LRP5: variants seen among roughly 807,000 people sequenced by gnomAD.
LRP5 encodes low-density lipoprotein receptor-related protein 5.
LRP5 carries 62 observed loss-of-function variants against 154.1 expected under a neutral mutation model. The observed-to-expected ratio is 0.40, with a 90% CI of 0.33 to 0.50. LRP5 has a LOEUF of 0.50. Among genes scored for constraint, LRP5 ranks in the 20% least tolerant of loss-of-function variants. The pLI, the probability that LRP5 is intolerant of heterozygous loss-of-function variation, is 0.55. For synonymous variants in LRP5, 966 were observed against 1,011.5 expected, an observed-to-expected ratio of 0.96 and a Z score of 0.85; for missense variants, 1,915 against 2,336.7, an observed-to-expected ratio of 0.82 and a Z score of 3.72.
At chr11:68,411,708 G>A in intron 11 of LRP5, 88 bp downstream of exon 11, 1 of 1,370,486 alleles carries the variant, frequency 7.3e-7, no homozygotes. Context: ...ATACCCTGTG[G>A]CCTGCAAGTT....
rs371340489 is a variant in LRP5, at chr11:68,347,827, G to A, written c.92-20G>A. On this transcript the variant is annotated intron_variant, in intron 1 of 22. Coordinates refer to ENST00000294304, the MANE Select transcript of LRP5 (RefSeq NM_002335.4). ...TGCTGGCTTAGCCAGTGGCCCTCAC[G>A]GTTTGCTTCTGCCCCACAGCCTCGC... 1.1e-5 allele frequency: 18 copies of A among 1,612,394 alleles called. No homozygotes were observed. Among genetic ancestry groups the A allele is most frequent in the South Asian group, 3.3e-5 (3 of 91,050 alleles).
Position 68,426,163 on chromosome 11 carries a change from G to A in LRP5, c.3613G>A (p.Glu1205Lys), listed in dbSNP as rs2153174491. The change falls in exon 16 of 23, where the codon GAG becomes AAG. Residue 1205 changes from glutamate (E) to lysine (K), a missense_variant. Coordinates refer to ENST00000294304, the MANE Select transcript of LRP5 (RefSeq NM_002335.4). ...VAHLTGIHAV[E>K]EVSLEEFSAH... ...CCACCTCACTGGCATCCATGCAGTG[G>A]AGGAAGTCAGCCTGGAGGAGTTCTG... The A allele has an allele frequency of 1.2e-6, 2 of 1,612,242 alleles. No individual in the cohort carries two copies. Among genetic ancestry groups the A allele is most frequent in the African/African-American group, 1.3e-5 (1 of 75,064 alleles).
intron 2 of LRP5, among the ~76,000 whole-genome samples, chr11:68,348,946 CAA>C (rs1229661715): frequency 1.5e-3 from 175 of 115,440 alleles, no homozygotes; most frequent in Admixed American, 3.6e-3. Flanking sequence ...GATCCTGTCT[CAA>C]AAAAAAAAAA....
At chr11:68,325,962 C>T (rs1158805797) in intron 1 of LRP5, among the ~76,000 whole-genome samples, 1 of 152,204 alleles carries the variant, frequency 6.6e-6, no homozygotes, top group Non-Finnish European at 1.5e-5. Flanking sequence ...GTGACGACCC[C>T]CCGGGGACTC....
chr11:68,398,566 G>A (rs914506733), intron 7 of LRP5, among the ~76,000 whole-genome samples: 7 of 151,986 alleles, frequency 4.6e-5, no homozygotes, highest in African/African-American at 1.7e-4. Flanking sequence ...CGAGAGCTAC[G>A]GCCCCCGGGC....
At chr11:68,397,215 C>T (rs1004417635) in intron 7 of LRP5, among the ~76,000 whole-genome samples, 5 of 152,150 alleles carry the variant, frequency 3.3e-5, no homozygotes, top group African/African-American at 9.7e-5. Context: ...TGGCTGGGAG[C>T]GTCTCCCCTC....
Position 68,312,746 on chromosome 11 carries a change from C to CGCG in LRP5, c.34_35insGGC (p.Pro11_Leu12insArg). ...GCAGCGCCGCCCGGGCCGCCGTGGC[C>CGCG]GCTGCTGCTGCTGCTGCTGCTGCTG... On this transcript the variant is annotated inframe_insertion, in exon 1 of 23. Coordinates refer to ENST00000294304, the MANE Select transcript of LRP5 (RefSeq NM_002335.4). 4 of 1,061,250 alleles carry CGCG rather than the reference C, an allele frequency of 3.8e-6. No individual in the cohort carries two copies. Among genetic ancestry groups the CGCG allele is most frequent in the Non-Finnish European group, 4.6e-6 (4 of 876,494 alleles). The allele number at this position is 1,061,250 out of a possible 1,614,324, so 65.7% of individuals were successfully genotyped here. A position where few individuals can be genotyped will look rare whatever the true frequency, so the allele number is the denominator to read the frequency against.
chr11:68,388,367 C>T (rs1157499387), intron 6 of LRP5, among the ~76,000 whole-genome samples: 1 of 152,062 alleles, frequency 6.6e-6, no homozygotes, highest in East Asian at 1.9e-4. Flanking sequence ...ACTCCAAGGC[C>T]CCTCCTAGCC....
At chr11:68,436,159 C>G (rs1165156239) in intron 18 of LRP5, among the ~76,000 whole-genome samples, 1 of 152,242 alleles carries the variant, frequency 6.6e-6, no homozygotes. Flanking sequence ...TGGCTGCATG[C>G]TCTGTTCCAG....
chr11:68,363,728 C>A lies in LRP5; in HGVS notation c.687-19C>A, dbSNP rs1307955943. 1 of 1,609,224 alleles carries A rather than the reference C, an allele frequency of 6.2e-7. No individual in the cohort carries two copies. The highest frequency in any genetic ancestry group is 1.7e-5 in the Admixed American group (1 of 59,782). On this transcript the variant is annotated intron_variant, in intron 3 of 22. Coordinates refer to ENST00000294304, the MANE Select transcript of LRP5 (RefSeq NM_002335.4). ...GGGACCCTCCTGATGGCTCCTCCACCCCGCTTCCCTGACTGCAGGCAGAAG... is the reference window on the plus strand; with the variant it reads ...GGGACCCTCCTGATGGCTCCTCCACACCGCTTCCCTGACTGCAGGCAGAAG...
chr11:68,433,749 C>T lies in LRP5; in HGVS notation c.3911C>T (p.Pro1304Leu), dbSNP rs569632869. 3.5e-5 allele frequency: 56 copies of T among 1,612,782 alleles called. No individual in the cohort carries two copies. The South Asian group carries it at 5.5e-4, about 16-fold the overall frequency. The change falls in exon 18 of 23, where the codon CCC (proline) becomes CTC (leucine). Residue 1304 changes from proline (P) to leucine (L), a missense_variant. Pro to Leu is a moderately conservative substitution (Grantham distance 98). Around this residue, in one of 3 missense-constraint regions of LRP5, gnomAD observed 1,094 missense variants for 1,210.1 expected, o/e 0.90. Transcript: ENST00000294304. ...CCCGTGTGCTCCGCCGCCCAGTTCC[C>T]CTGCGCGCGGGGTCAGTGTGTGGAC... ...GCPVCSAAQF[P>L]CARGQCVDLR...
chr11:68,318,993 G>T (rs1331403258), intron 1 of LRP5, among the ~76,000 whole-genome samples: 1 of 151,982 alleles, frequency 6.6e-6, no homozygotes, highest in African/African-American at 2.4e-5. Context: ...TGAGGCCTCT[G>T]GATCGCTAGA....
intron 1 of LRP5, among the ~76,000 whole-genome samples, chr11:68,335,690 C>T (rs1030657004): frequency 2.0e-5 from 3 of 152,214 alleles, no homozygotes; most frequent in Non-Finnish European, 4.4e-5. Flanking sequence ...GGGGCAGCCT[C>T]ATGCACCTAG....
At chr11:68,416,291 A>C in intron 12 of LRP5, 37 bp from the exon 13 acceptor site, 1 of 1,592,378 alleles carries the variant, frequency 6.3e-7, no homozygotes, top group African/African-American at 1.3e-5. Context: ...TGTGGCTTAC[A>C]GACACCCACC....
chr11:68,346,318 C>T (rs2098612896), intron 1 of LRP5, among the ~76,000 whole-genome samples: 1 of 152,244 alleles, frequency 6.6e-6, no homozygotes, highest in Non-Finnish European at 1.5e-5. Context: ...ATTTTCCTGG[C>T]CTCAGGTCCT....
At chr11:68,308,067 T>C (rs115303922), upstream of LRP5, among the ~76,000 whole-genome samples, 701 of 152,324 alleles carry the variant, frequency 4.6e-3, 7 homozygotes, top group African/African-American at 0.016. Flanking sequence ...CGGCCTTCCC[T>C]GGCCTGCTCC....
At chr11:68,385,888 C>T (rs563540220) in intron 5 of LRP5, among the ~76,000 whole-genome samples, 26 of 152,158 alleles carry the variant, frequency 1.7e-4, no homozygotes, top group Admixed American at 1.0e-3. Flanking sequence ...ATGCTGGGGA[C>T]GCTGAGCAGC....
At position 68,331,992 on chromosome 11, in the gene LRP5, C is replaced by G. The variant is rs144919309; in HGVS notation, c.92-15855C>G. ...TGGGAGAGGGCAGGTGGGGGCCAAG[C>G]TGGAAGAGGTGGTGTTATTCTGTAG... On this transcript the variant is annotated intron_variant, in intron 1 of 22. Transcript: ENST00000294304. Among the ~76,000 whole-genome samples the G allele has an allele frequency of 4.5e-3, 677 of 152,020 alleles. 17 individuals carry two copies. The East Asian group carries it at 0.066, about 15-fold the overall frequency.
intron 3 of LRP5, among the ~76,000 whole-genome samples, chr11:68,358,704 G>A (rs1422109951): frequency 2.0e-5 from 3 of 152,202 alleles, no homozygotes; most frequent in Admixed American, 6.5e-5. Flanking sequence ...TTTTCCCCTC[G>A]TTGGTTAATT....
Sources: gnomAD v4.1 joint callset for allele counts (sites outside exome capture counted in the v4.1 genomes callset) on GRCh38, gnomAD v4.1.1 for gene constraint, gnomAD v4.1.1 regional missense constraint, MANE v1.5 for transcripts, NCBI Gene and HGNC (gene_info 2026-07-23, HGNC 2026-07-21) for gene names.